SPAG16: variants seen among roughly 807,000 people sequenced by gnomAD.
SPAG16 encodes the protein sperm-associated antigen 16 protein.
Under a neutral mutation model 80.4 loss-of-function variants are expected in SPAG16, and 86 were observed. That is an observed-to-expected ratio of 1.07 (90% CI 0.90 to 1.28). SPAG16 has a LOEUF of 1.28. Among genes scored for constraint, SPAG16 ranks in the 50% most tolerant of loss-of-function variants. SPAG16 has a pLI of 0.00. For missense variants in SPAG16, 870 were observed against 765.3 expected (o/e 1.14, Z -1.61); for synonymous variants, 294 against 265.9 (o/e 1.11, Z -1.03).
intron 10 of SPAG16, among the ~76,000 whole-genome samples, chr2:213,527,417 C>A (rs1320930200): frequency 6.6e-6 from 1 of 152,138 alleles, no homozygotes; most frequent in Non-Finnish European, 1.5e-5. Context: ...TTCCTTTAAC[C>A]TTGTGGGATT....
chr2:213,580,134 G>T (rs1489471553), intron 10 of SPAG16, among the ~76,000 whole-genome samples: 1 of 151,894 alleles, frequency 6.6e-6, no homozygotes, highest in Non-Finnish European at 1.5e-5. Context: ...TTCCAGAGGT[G>T]CTTACCCTAT....
At chr2:213,772,470 C>T (rs944952188) in intron 10 of SPAG16, among the ~76,000 whole-genome samples, 1 of 151,940 alleles carries the variant, frequency 6.6e-6, no homozygotes, top group African/African-American at 2.4e-5. Flanking sequence ...AACTATTTTT[C>T]CTGTGTTTTT....
At chr2:214,176,900 T>C (rs1270666142) in intron 15 of SPAG16, among the ~76,000 whole-genome samples, 1 of 151,148 alleles carries the variant, frequency 6.6e-6, no homozygotes, top group African/African-American at 2.4e-5. Flanking sequence ...ACACTGGCTT[T>C]TCTAGACTTT....
chr2:213,430,953 C>G (rs891156836), intron 9 of SPAG16, among the ~76,000 whole-genome samples: 1 of 152,168 alleles, frequency 6.6e-6, no homozygotes, highest in East Asian at 1.9e-4. Context: ...AAACTGCCAA[C>G]CCCAAATTTT....
Position 213,297,246 on chromosome 2 carries a change from T to G in SPAG16, c.184-16T>G, listed in dbSNP as rs548393510. 2 of 1,587,520 alleles carry G rather than the reference T, an allele frequency of 1.3e-6. No homozygotes were observed. Among genetic ancestry groups the G allele is most frequent in the Admixed American group, 3.5e-5 (2 of 57,426 alleles). The stretch of plus-strand genomic sequence containing the variant: ...TCTGCTCACTCTTCCTATCCTTCTC[T>G]TTCTCTGTGATCTAGATACCAGATG... On this transcript the variant is annotated splice_polypyrimidine_tract_variant and intron_variant, in intron 2 of 15. Coordinates refer to ENST00000331683, the MANE Select transcript of SPAG16 (RefSeq NM_024532.5).
At chr2:213,619,761 C>G (rs1451855604) in intron 10 of SPAG16, among the ~76,000 whole-genome samples, 1 of 152,064 alleles carries the variant, frequency 6.6e-6, no homozygotes, top group African/African-American at 2.4e-5. Context: ...GGAACTTCCT[C>G]AAAAAACTAA....
chr2:214,403,501 G>A (rs1246578913), intron 15 of SPAG16, among the ~76,000 whole-genome samples: 1 of 151,910 alleles, frequency 6.6e-6, no homozygotes, highest in Non-Finnish European at 1.5e-5. Flanking sequence ...TTGAAACCTG[G>A]TGAGCATTTT....
intron 10 of SPAG16, among the ~76,000 whole-genome samples, chr2:213,776,510 T>G: frequency 6.6e-6 from 1 of 152,240 alleles, no homozygotes; most frequent in Admixed American, 6.5e-5. Flanking sequence ...AAATCTGTGT[T>G]GTTTGAAACC....
chr2:214,045,942 T>C (rs575474087), intron 13 of SPAG16, among the ~76,000 whole-genome samples: 1 of 152,078 alleles, frequency 6.6e-6, no homozygotes, highest in South Asian at 2.1e-4. Flanking sequence ...AAAGTTAAAA[T>C]TGACATACTT....
At chr2:213,912,004 T>A (rs1011171324) in intron 11 of SPAG16, among the ~76,000 whole-genome samples, 1 of 152,120 alleles carries the variant, frequency 6.6e-6, no homozygotes, top group Non-Finnish European at 1.5e-5. Flanking sequence ...TAACTGATAA[T>A]AAAATAACTA....
chr2:213,956,528 A>C (rs1486375525), intron 12 of SPAG16, among the ~76,000 whole-genome samples: 1 of 148,386 alleles, frequency 6.7e-6, no homozygotes, highest in Admixed American at 6.8e-5. Flanking sequence ...GCTCACTGCA[A>C]CCGCCGCCTC....
intron 10 of SPAG16, among the ~76,000 whole-genome samples, chr2:213,859,023 A>T (rs1488065998): frequency 1.3e-5 from 2 of 151,552 alleles, no homozygotes; most frequent in African/African-American, 4.9e-5. Flanking sequence ...TACTAAAAAT[A>T]CAAACATTAG....
intron 10 of SPAG16, among the ~76,000 whole-genome samples, chr2:213,628,958 C>A (rs1273848740): frequency 6.6e-6 from 1 of 151,994 alleles, no homozygotes; most frequent in East Asian, 1.9e-4. Context: ...TAGCACTGAA[C>A]CTACCCTCAA....
intron 10 of SPAG16, among the ~76,000 whole-genome samples, chr2:213,687,277 G>A (rs1360204778): frequency 2.6e-5 from 4 of 152,036 alleles, no homozygotes; most frequent in Non-Finnish European, 4.4e-5. Flanking sequence ...AAAAGTCACA[G>A]TACAAGTCAT....
chr2:213,341,701 T>C (rs768935135), intron 6 of SPAG16, among the ~76,000 whole-genome samples: 17 of 151,962 alleles, frequency 1.1e-4, no homozygotes, highest in Non-Finnish European at 2.5e-4. Flanking sequence ...CCAGCTAAAT[T>C]TTTTTGTTTT....
intron 9 of SPAG16, among the ~76,000 whole-genome samples, chr2:213,399,712 T>A (rs908905669): frequency 6.6e-6 from 1 of 152,028 alleles, no homozygotes; most frequent in Non-Finnish European, 1.5e-5. Context: ...AAGATTTTTA[T>A]ACCCTGGAAG....
At chr2:214,078,677 A>G (rs1213126409) in intron 13 of SPAG16, among the ~76,000 whole-genome samples, 3 of 152,134 alleles carry the variant, frequency 2.0e-5, no homozygotes, top group Non-Finnish European at 4.4e-5. Context: ...TAAATATAGT[A>G]TATTTCTGTG....
intron 10 of SPAG16, among the ~76,000 whole-genome samples, chr2:213,813,782 TAAAAC>T (rs765269241): frequency 1.6e-4 from 24 of 152,064 alleles, no homozygotes; most frequent in Non-Finnish European, 2.4e-4. Flanking sequence ...TCCCATGAGA[TAAAAC>T]AAACAAAAAA....
chr2:214,270,728 C>T (rs1344707836), intron 15 of SPAG16, among the ~76,000 whole-genome samples: 1 of 152,052 alleles, frequency 6.6e-6, no homozygotes, highest in Admixed American at 6.6e-5. Context: ...GTCTCCATAG[C>T]GCCCTACAGT....
Sources: gnomAD v4.1 joint callset for allele counts (sites outside exome capture counted in the v4.1 genomes callset) on GRCh38, gnomAD v4.1.1 for gene constraint, MANE v1.5 for transcripts, NCBI Gene and HGNC (gene_info 2026-07-23, HGNC 2026-07-21) for gene names.